Variants in NBEA observed in about 807,000 individuals in gnomAD.
NBEA encodes the protein neurobeachin.
Under a neutral mutation model 343.4 loss-of-function variants are expected in NBEA, and 44 were observed. That is an observed-to-expected ratio of 0.13 (90% CI 0.10 to 0.16). NBEA has a LOEUF of 0.16. Ranked by LOEUF, NBEA falls within the 10% of genes least tolerant of loss-of-function variation. NBEA has a pLI of 1.00. For synonymous variants in NBEA, 1,175 were observed against 1,238.7 expected, an observed-to-expected ratio of 0.95 and a Z score of 1.08; for missense variants, 2,555 against 3,631.3, an observed-to-expected ratio of 0.70 and a Z score of 7.62.
At chr13:35,335,288 T>C (rs1468975483) in intron 36 of NBEA, among the ~76,000 whole-genome samples, 1 of 152,160 alleles carries the variant, frequency 6.6e-6, no homozygotes, top group Non-Finnish European at 1.5e-5. Context: ...TTCCCCAGTT[T>C]TGTTATTTTT....
chr13:35,154,089 T>C (rs1339593461), intron 18 of NBEA, among the ~76,000 whole-genome samples: 4 of 152,214 alleles, frequency 2.6e-5, no homozygotes, highest in Non-Finnish European at 5.9e-5. Flanking sequence ...ATCAGAGGTA[T>C]GAGAATGAGG....
intron 48 of NBEA, among the ~76,000 whole-genome samples, chr13:35,616,969 C>T (rs2082766009): frequency 6.6e-6 from 1 of 152,212 alleles, no homozygotes; most frequent in African/African-American, 2.4e-5. Context: ...GTGTGCAATG[C>T]ACTAGGAACT....
chr13:35,384,521 CTTTTTTTT>C (rs938208413), intron 38 of NBEA, among the ~76,000 whole-genome samples: 1 of 119,048 alleles, frequency 8.4e-6, no homozygotes, highest in Non-Finnish European at 1.8e-5. Context: ...CTTGAATAAT[CTTTTTTTT>C]TTTTTTTTTT....
At chr13:35,605,606 AT>A (rs1468857324) in intron 47 of NBEA, among the ~76,000 whole-genome samples, 1 of 152,166 alleles carries the variant, frequency 6.6e-6, no homozygotes, top group Non-Finnish European at 1.5e-5. Flanking sequence ...GTTTGTTTTA[AT>A]TTTCTCCCAA....
In NBEA at chr13:35,614,440, G is replaced by C. The variant is rs77796723; in HGVS notation, c.7449+7862G>C. Among the ~76,000 whole-genome samples, 1,065 of 152,170 alleles carry C rather than the reference G, an allele frequency of 7.0e-3. 13 individuals carry two copies. The highest frequency in any genetic ancestry group is 0.024 in the African/African-American group (993 of 41,520). Reference sequence around the variant, plus strand: ...GTACAGTTCCCTTTAATAGCCCTCAGCCATACCAATGAAAATTGGTTGTTT... The same window carrying C: ...GTACAGTTCCCTTTAATAGCCCTCACCCATACCAATGAAAATTGGTTGTTT... On this transcript the variant is annotated intron_variant, in intron 48 of 58. Transcript: ENST00000379939.
chr13:35,474,057 C>T (rs1057379507), intron 41 of NBEA: 2 of 152,094 alleles, frequency 1.3e-5, no homozygotes, highest in Non-Finnish European at 2.9e-5. Context: ...TGGACCTATA[C>T]AGAAAGAGCT....
chr13:35,228,723 C>G (rs1352609077), intron 33 of NBEA, among the ~76,000 whole-genome samples: 1 of 151,980 alleles, frequency 6.6e-6, no homozygotes, highest in Non-Finnish European at 1.5e-5. Flanking sequence ...TTTACACTTA[C>G]TATTAAGAAA....
At chr13:35,287,957 A>T (rs2035543814) in intron 34 of NBEA, among the ~76,000 whole-genome samples, 1 of 152,186 alleles carries the variant, frequency 6.6e-6, no homozygotes. Flanking sequence ...AAAGCTCTAT[A>T]TAAATTTTAT....
intron 16 of NBEA, among the ~76,000 whole-genome samples, chr13:35,122,639 C>T (rs1279513760): frequency 1.3e-5 from 2 of 151,906 alleles, no homozygotes; most frequent in African/African-American, 4.8e-5. Flanking sequence ...TTAAGGGGTG[C>T]AGCACACCAA....
rs750602560 is a variant in NBEA at position 35,109,461 on chromosome 13, T to C, written c.1833+19T>C. ...TGCAAAGGTATGAATTTTATACTTA[T>C]TCAGTTTGATTTAGTGTAATGTTAT... On this transcript the variant is annotated intron_variant, in intron 12 of 58. Transcript: ENST00000379939. 4.5e-5 allele frequency: 71 copies of C among 1,573,406 alleles called. No individual in the cohort carries two copies. The highest frequency in any genetic ancestry group is 5.6e-5 in the Non-Finnish European group (65 of 1,161,364).
chr13:35,141,956 A>G (rs970348849), intron 17 of NBEA, among the ~76,000 whole-genome samples: 1 of 152,208 alleles, frequency 6.6e-6, no homozygotes, highest in African/African-American at 2.4e-5. Flanking sequence ...ATTTTAACCC[A>G]ATAAAATAAC....
chr13:35,235,734 T>G (rs1398163823), intron 34 of NBEA, among the ~76,000 whole-genome samples: 4 of 152,228 alleles, frequency 2.6e-5, no homozygotes, highest in Non-Finnish European at 5.9e-5. Context: ...TACTTATTTC[T>G]TCTCATCAAT....
At chr13:35,571,073 C>T (rs940602909) in intron 45 of NBEA, among the ~76,000 whole-genome samples, 24 of 152,088 alleles carry the variant, frequency 1.6e-4, no homozygotes, top group African/African-American at 5.6e-4. Flanking sequence ...TGTTTCTAAA[C>T]AAACACTGGG....
At chr13:35,559,377 T>A (rs2079742987) in intron 44 of NBEA, among the ~76,000 whole-genome samples, 1 of 152,204 alleles carries the variant, frequency 6.6e-6, no homozygotes, top group Non-Finnish European at 1.5e-5. Context: ...TTTATAACAC[T>A]GTTTTAGGGA....
At chr13:35,055,354 G>A (rs530822128) in intron 6 of NBEA, among the ~76,000 whole-genome samples, 5 of 151,420 alleles carry the variant, frequency 3.3e-5, no homozygotes, top group African/African-American at 4.9e-5. Flanking sequence ...ACTATAAAAT[G>A]GGCACTTAAT....
intron 38 of NBEA, among the ~76,000 whole-genome samples, chr13:35,405,448 T>A (rs2043225835): frequency 6.6e-6 from 1 of 152,178 alleles, no homozygotes; most frequent in Non-Finnish European, 1.5e-5. Context: ...TCTATCAGTT[T>A]TACAAAATCG....
chr13:35,430,165 G>A (rs556692536), intron 38 of NBEA, among the ~76,000 whole-genome samples: 10 of 151,970 alleles, frequency 6.6e-5, no homozygotes, highest in Admixed American at 1.3e-4. Context: ...TTGGAGGAGC[G>A]TGGTGGTATT....
At chr13:35,449,920 A>C (rs1158586012) in intron 39 of NBEA, among the ~76,000 whole-genome samples, 4 of 152,130 alleles carry the variant, frequency 2.6e-5, no homozygotes, top group Non-Finnish European at 4.4e-5. Flanking sequence ...CATGTGCTCT[A>C]AATGTGGTTA....
At chr13:35,468,007 T>A (rs1446441067) in intron 40 of NBEA, among the ~76,000 whole-genome samples, 1 of 152,094 alleles carries the variant, frequency 6.6e-6, no homozygotes, top group Non-Finnish European at 1.5e-5. Context: ...GTGCTTTACA[T>A]TGAAAGTTGT....
Sources: gnomAD v4.1 joint callset for allele counts (sites outside exome capture counted in the v4.1 genomes callset) on GRCh38, gnomAD v4.1.1 for gene constraint, MANE v1.5 for transcripts, NCBI Gene and HGNC (gene_info 2026-07-23, HGNC 2026-07-21) for gene names.